The following CSMD1 variants were observed in gnomAD, a reference collection of about 807,000 sequenced individuals.
CSMD1 encodes CUB and sushi domain-containing protein 1.
Under a neutral mutation model 417.5 loss-of-function variants are expected in CSMD1, and 213 were observed. The ratio of observed to expected loss-of-function variants is 0.51; its 90% CI spans 0.46 to 0.57. CSMD1 has a LOEUF of 0.57. Ranked by LOEUF, CSMD1 falls within the 20% of genes least tolerant of loss-of-function variation. The probability of loss-of-function intolerance (pLI) is 0.00; values close to 1 mark genes in which losing one functional copy is unlikely to be tolerated. For synonymous variants in CSMD1, 2,862 were observed against 1,736.8 expected (o/e 1.65, Z -16.11); for missense variants, 6,923 against 4,529.7 (o/e 1.53, Z -15.17).
intron 36 of CSMD1, among the ~76,000 whole-genome samples, chr8:3,182,840 A>AGGGGTGTGTG (rs746430415): frequency 6.6e-5 from 3 of 45,166 alleles, no homozygotes; most frequent in Admixed American, 3.3e-4. Context: ...CTTTATAAGA[A>AGGGGTGTGTG]GGTGTGTGTG....
chr8:4,535,580 A>C (rs951551141), intron 2 of CSMD1, among the ~76,000 whole-genome samples: 3 of 152,184 alleles, frequency 2.0e-5, no homozygotes, highest in Non-Finnish European at 2.9e-5. Context: ...GTTAACCCTA[A>C]GTCATCCAAG....
intron 2 of CSMD1, among the ~76,000 whole-genome samples, chr8:4,636,122 C>T (rs973105364): frequency 5.9e-5 from 9 of 151,780 alleles, no homozygotes; most frequent in African/African-American, 2.2e-4. Context: ...TTTCTCATCC[C>T]ATAAAATAAT....
At chr8:4,706,912 G>A (rs958823733) in intron 1 of CSMD1, among the ~76,000 whole-genome samples, 1 of 152,194 alleles carries the variant, frequency 6.6e-6, no homozygotes, top group Non-Finnish European at 1.5e-5. Flanking sequence ...AAAAGCTTCT[G>A]ATTCATGAAA....
chr8:4,174,296 T>C (rs1472048232), intron 3 of CSMD1, among the ~76,000 whole-genome samples: 2 of 152,158 alleles, frequency 1.3e-5, no homozygotes, highest in Non-Finnish European at 2.9e-5. Context: ...TCATCATTTT[T>C]AAAGGTCATC....
intron 13 of CSMD1, 84 bp downstream of exon 13, chr8:3,409,339 G>A (rs554501355): frequency 1.6e-6 from 2 of 1,284,116 alleles, no homozygotes; most frequent in South Asian, 4.4e-5. Flanking sequence ...CTCCCTAAAT[G>A]GGCGGTCTGT....
chr8:3,449,251 C>A (rs11780701), intron 12 of CSMD1, among the ~76,000 whole-genome samples: 2 of 152,000 alleles, frequency 1.3e-5, no homozygotes, highest in African/African-American at 2.4e-5. Flanking sequence ...TAAAATTAAA[C>A]AGGCTTATTC....
chr8:2,998,437 T>A (rs1284660088), intron 53 of CSMD1, among the ~76,000 whole-genome samples: 1 of 152,180 alleles, frequency 6.6e-6, no homozygotes, highest in Non-Finnish European at 1.5e-5. Context: ...TTTACCATCA[T>A]AATTATTATT....
chr8:3,364,332 T>C (rs1414768708), intron 20 of CSMD1, among the ~76,000 whole-genome samples: 1 of 152,210 alleles, frequency 6.6e-6, no homozygotes, highest in African/African-American at 2.4e-5. Context: ...ACTTTCTGCT[T>C]GTGTGCAACT....
intron 12 of CSMD1, among the ~76,000 whole-genome samples, chr8:3,428,782 A>G (rs1814018966): frequency 6.6e-6 from 1 of 152,204 alleles, no homozygotes; most frequent in African/African-American, 2.4e-5. Flanking sequence ...CATTCACAAT[A>G]GCCAAGATAC....
At chr8:4,386,381 C>G (rs1584994978) in intron 3 of CSMD1, among the ~76,000 whole-genome samples, 1 of 151,856 alleles carries the variant, frequency 6.6e-6, no homozygotes, top group African/African-American at 2.4e-5. Context: ...ATCAGACATT[C>G]TCCTAAGTTC....
chr8:4,119,952 A>AT (rs1203340756), intron 3 of CSMD1, among the ~76,000 whole-genome samples: 2 of 454 alleles, frequency 4.4e-3, no homozygotes, highest in South Asian at 0.5. Context: ...AATAGGTATC[A>AT]AAAAAATTAG....
At chr8:3,701,442 C>T (rs1042587689) in intron 7 of CSMD1, among the ~76,000 whole-genome samples, 3 of 151,822 alleles carry the variant, frequency 2.0e-5, no homozygotes, top group Admixed American at 1.3e-4. Context: ...CTGCTGCTGG[C>T]GGTTATGGTG....
At chr8:4,455,929 CAAAAAAAAAA>C (rs71207091) in intron 2 of CSMD1, among the ~76,000 whole-genome samples, 1,707 of 11,528 alleles carry the variant, frequency 0.15, 19 homozygotes, top group South Asian at 0.38. Flanking sequence ...ACTCCAACTC[CAAAAAAAAAA>C]AAAAAAAAAA....
At chr8:4,967,987 T>G (rs909277527) in intron 1 of CSMD1, among the ~76,000 whole-genome samples, 10 of 152,086 alleles carry the variant, frequency 6.6e-5, no homozygotes, top group Admixed American at 1.3e-4. Flanking sequence ...TATAACATGG[T>G]CAGAGATTCA....
At chr8:3,924,628 T>C (rs984960427) in intron 5 of CSMD1, among the ~76,000 whole-genome samples, 3 of 152,206 alleles carry the variant, frequency 2.0e-5, no homozygotes, top group African/African-American at 4.8e-5. Flanking sequence ...TATTTTCTGA[T>C]TGGTTGAGTC....
chr8:3,266,120 T>G (rs181016778), intron 26 of CSMD1, among the ~76,000 whole-genome samples: 14 of 151,220 alleles, frequency 9.3e-5, no homozygotes, highest in Non-Finnish European at 1.5e-4. Flanking sequence ...AGAGAGAGTA[T>G]GTGCAGAAAG....
At chr8:3,535,083 G>A (rs1320378384) in intron 10 of CSMD1, among the ~76,000 whole-genome samples, 1 of 152,046 alleles carries the variant, frequency 6.6e-6, no homozygotes, top group African/African-American at 2.4e-5. Context: ...GAGTAGTTGG[G>A]ACTACAGGGT....
At chr8:4,162,934 A>T (rs1252366271) in intron 3 of CSMD1, among the ~76,000 whole-genome samples, 1 of 152,120 alleles carries the variant, frequency 6.6e-6, no homozygotes, top group Non-Finnish European at 1.5e-5. Context: ...TGGTCTTTTT[A>T]CTGTCTCTAC....
chr8:3,738,345 C>T (rs1563326962), intron 6 of CSMD1, among the ~76,000 whole-genome samples: 1 of 152,196 alleles, frequency 6.6e-6, no homozygotes, highest in African/African-American at 2.4e-5. Context: ...ACAATGCATA[C>T]AGGCATTGGG....
Sources: allele counts gnomAD v4.1 joint callset (sites outside exome capture counted in the v4.1 genomes callset), GRCh38; gene constraint gnomAD v4.1.1; transcripts MANE v1.5; gene names NCBI Gene and HGNC (gene_info 2026-07-23, HGNC 2026-07-21).